Variants in PCSK5 observed in about 807,000 individuals in gnomAD.
The protein encoded by PCSK5 is proprotein convertase subtilisin/kexin type 5.
A neutral mutation model predicts 233.2 loss-of-function variants in PCSK5; 129 were observed. The observed-to-expected ratio is 0.55, with a 90% CI of 0.48 to 0.64. The LOEUF is 0.64. PCSK5 is among the 30% of genes least tolerant of loss of function. PCSK5 has a pLI of 0.00. For synonymous variants in PCSK5, 825 were observed against 879.2 expected (o/e 0.94, Z 1.09); for missense variants, 2,076 against 2,430.1 (o/e 0.85, Z 3.06).
rs1832664446 is a variant in PCSK5, at chr9:76,122,075, G to A, written c.1209-12034G>A. Among the ~76,000 whole-genome samples, 3 of 43,798 alleles carry A rather than the reference G, an allele frequency of 6.8e-5. 1 individual carries two copies. The highest frequency in any genetic ancestry group is 1.8e-4 in the African/African-American group (3 of 16,480). The allele number at this position is 43,798 out of a possible 152,430, so 28.7% of individuals were successfully genotyped here. A position where few individuals can be genotyped will look rare whatever the true frequency, so the allele number is the denominator to read the frequency against. On this transcript the variant is annotated intron_variant, in intron 9 of 37. Transcript: ENST00000674117. The stretch of plus-strand genomic sequence containing the variant: ...CCTGACCTCGTGATCCGCCCGCCTC[G>A]GCCTCCCAAAGTGCTGGGATTACAG...
intron 2 of PCSK5, among the ~76,000 whole-genome samples, chr9:75,935,182 C>T (rs1337630950): frequency 6.6e-6 from 1 of 152,162 alleles, no homozygotes; most frequent in Non-Finnish European, 1.5e-5. Context: ...ACTGTCTTGT[C>T]TCAGCCTCCT....
chr9:76,355,103 A>C (rs1024349508), intron 37 of PCSK5, among the ~76,000 whole-genome samples: 1 of 152,190 alleles, frequency 6.6e-6, no homozygotes, highest in Non-Finnish European at 1.5e-5. Context: ...CCTCACGTCT[A>C]ACCCCATCCA....
At chr9:75,969,763 C>G (rs995833636) in intron 2 of PCSK5, among the ~76,000 whole-genome samples, 3 of 152,080 alleles carry the variant, frequency 2.0e-5, no homozygotes, top group African/African-American at 4.8e-5. Context: ...TCTTTAGATT[C>G]ATTGATCTTC....
intron 3 of PCSK5, among the ~76,000 whole-genome samples, chr9:76,001,423 C>T (rs1488249322): frequency 1.5e-5 from 2 of 131,466 alleles, no homozygotes; most frequent in South Asian, 2.5e-4. Context: ...GAAAAAAAAT[C>T]TTTGTTACAT....
At chr9:76,033,643 A>G (rs1294216963) in intron 5 of PCSK5, among the ~76,000 whole-genome samples, 1 of 152,166 alleles carries the variant, frequency 6.6e-6, no homozygotes, top group East Asian at 1.9e-4. Flanking sequence ...TGCTATCACA[A>G]AATAACTTAG....
At chr9:75,921,037 G>T (rs1159970717) in intron 1 of PCSK5, among the ~76,000 whole-genome samples, 1 of 152,002 alleles carries the variant, frequency 6.6e-6, no homozygotes, top group East Asian at 1.9e-4. Context: ...AAATAAAAAA[G>T]TTGTTAGAGA....
At chr9:76,084,378 TA>T (rs1564016265) in intron 7 of PCSK5, among the ~76,000 whole-genome samples, 1 of 152,258 alleles carries the variant, frequency 6.6e-6, no homozygotes, top group East Asian at 1.9e-4. Flanking sequence ...AAATTTTTAT[TA>T]TCATCTTGTT....
intron 29 of PCSK5, among the ~76,000 whole-genome samples, chr9:76,310,414 C>T (rs1828831166): frequency 6.6e-6 from 1 of 152,056 alleles, no homozygotes; most frequent in Non-Finnish European, 1.5e-5. Context: ...AAAGGAAGCC[C>T]CATCATGACC....
intron 5 of PCSK5, among the ~76,000 whole-genome samples, chr9:76,067,138 A>C (rs1335661690): frequency 2.0e-5 from 3 of 152,222 alleles, no homozygotes; most frequent in African/African-American, 2.4e-5. Context: ...CTTTATACTG[A>C]AAACTTCTTT....
At chr9:76,288,766 G>A (rs1341932981) in intron 24 of PCSK5, among the ~76,000 whole-genome samples, 1 of 152,282 alleles carries the variant, frequency 6.6e-6, no homozygotes, top group South Asian at 2.1e-4. Flanking sequence ...CCACTTGTAT[G>A]TATCCTGAAT....
chr9:76,330,679 A>T (rs1369326891), intron 33 of PCSK5, among the ~76,000 whole-genome samples: 2 of 152,198 alleles, frequency 1.3e-5, no homozygotes, highest in African/African-American at 4.8e-5. Flanking sequence ...TTTCCTCTTC[A>T]TATTGAGCGA....
intron 5 of PCSK5, among the ~76,000 whole-genome samples, chr9:76,062,291 T>C (rs1461536305): frequency 2.6e-5 from 4 of 152,086 alleles, no homozygotes; most frequent in African/African-American, 4.8e-5. Context: ...AAAATTGATC[T>C]AAATAAGATT....
At chr9:76,054,630 C>T (rs894992940) in intron 5 of PCSK5, among the ~76,000 whole-genome samples, 12 of 152,164 alleles carry the variant, frequency 7.9e-5, no homozygotes, top group African/African-American at 1.7e-4. Flanking sequence ...AAATACCTGA[C>T]GATTCTTCAA....
chr9:76,020,577 T>G (rs1256456970), intron 3 of PCSK5, among the ~76,000 whole-genome samples: 1 of 152,230 alleles, frequency 6.6e-6, no homozygotes, highest in Non-Finnish European at 1.5e-5. Flanking sequence ...AGTTGGATAT[T>G]TCTTCTTTTT....
chr9:76,060,517 A>G (rs1324921990), intron 5 of PCSK5, among the ~76,000 whole-genome samples: 6 of 152,296 alleles, frequency 3.9e-5, no homozygotes, highest in South Asian at 2.1e-4. Flanking sequence ...AGGGTGGAAG[A>G]AAATCCATAT....
At chr9:75,917,587 G>A (rs1339594695) in intron 1 of PCSK5, among the ~76,000 whole-genome samples, 1 of 152,202 alleles carries the variant, frequency 6.6e-6, no homozygotes, top group African/African-American at 2.4e-5. Flanking sequence ...ATAGTCCGTG[G>A]ATATCATGAG....
At position 76,362,865 on chromosome 9, in the gene PCSK5, C is replaced by G. The variant is rs2131543591; in HGVS notation, c.*3943C>G. Among the ~76,000 whole-genome samples, 1 of 152,312 alleles carries G rather than the reference C, an allele frequency of 6.6e-6. No homozygotes were observed. Among genetic ancestry groups the G allele is most frequent in the African/African-American group, 2.4e-5 (1 of 41,570 alleles). On this transcript the variant is annotated 3_prime_UTR_variant, in exon 38 of 38. Transcript: ENST00000674117. ...ATCATGACCCTCTCACGTGGACCCC[C>G]TTAGAGTTGTGAGCCCTTAAAAGGG...
intron 2 of PCSK5, among the ~76,000 whole-genome samples, chr9:75,982,063 A>T (rs903010118): frequency 6.6e-6 from 1 of 152,220 alleles, no homozygotes; most frequent in African/African-American, 2.4e-5. Context: ...AGAGATGCCA[A>T]AAATATAGTA....
chr9:76,077,047 G>A (rs2131612753), intron 7 of PCSK5, among the ~76,000 whole-genome samples: 1 of 152,172 alleles, frequency 6.6e-6, no homozygotes, highest in South Asian at 2.1e-4. Flanking sequence ...AATTTATAGG[G>A]AGAAAAAACA....
Sources: gnomAD v4.1 joint callset for allele counts (sites outside exome capture counted in the v4.1 genomes callset) on GRCh38, gnomAD v4.1.1 for gene constraint, MANE v1.5 for transcripts, NCBI Gene and HGNC (gene_info 2026-07-23, HGNC 2026-07-21) for gene names.